FAT1: variants seen among roughly 807,000 people sequenced by gnomAD.
FAT1 encodes the protein FAT atypical cadherin 1.
In FAT1, 171 loss-of-function variants were observed where a neutral mutation model predicts 329.8. That is an observed-to-expected ratio of 0.52 (90% CI 0.46 to 0.59). The LOEUF (loss-of-function observed/expected upper bound fraction) is 0.59. Ranked by LOEUF, FAT1 falls within the 20% of genes least tolerant of loss-of-function variation. The probability of loss-of-function intolerance (pLI) is 0.00; values close to 1 mark genes in which losing one functional copy is unlikely to be tolerated. For missense variants in FAT1, 5,672 were observed against 5,774.4 expected, an observed-to-expected ratio of 0.98 and a Z score of 0.57; for synonymous variants, 2,233 against 2,228.6, an observed-to-expected ratio of 1.00 and a Z score of -0.06.
At chr4:186,671,752 TTA>T (rs1346173235) in intron 2 of FAT1, among the ~76,000 whole-genome samples, 4 of 152,130 alleles carry the variant, frequency 2.6e-5, no homozygotes, top group Admixed American at 6.6e-5. Context: ...ACATGCAGTA[TTA>T]TCTCATAAAT....
At chr4:186,660,510 TG>T (rs1159498322) in intron 3 of FAT1, among the ~76,000 whole-genome samples, 1 of 152,192 alleles carries the variant, frequency 6.6e-6, no homozygotes, top group Admixed American at 6.5e-5. Context: ...GTACTAACTA[TG>T]GTATCCTCCA....
chr4:186,681,924 A>T (rs1743226199), intron 2 of FAT1, among the ~76,000 whole-genome samples: 2 of 152,202 alleles, frequency 1.3e-5, no homozygotes, highest in African/African-American at 4.8e-5. Flanking sequence ...TTTTCGTTAC[A>T]TTTTGTCACA....
At chr4:186,639,691 TTTAAGTA>T in intron 4 of FAT1, 24 bp downstream of exon 4, 1 of 1,454,934 alleles carries the variant, frequency 6.9e-7, no homozygotes, top group East Asian at 2.3e-5. Flanking sequence ...ACTACGAATC[TTTAAGTA>T]TTAAAGATAA....
Position 186,600,296 on chromosome 4 carries a change from T to C in FAT1, c.11705A>G (p.Gln3902Arg). 1 of 1,613,800 alleles carries C rather than the reference T, an allele frequency of 6.2e-7. No homozygotes were observed. Among genetic ancestry groups the C allele is most frequent in the African/African-American group, 1.3e-5 (1 of 75,050 alleles). Residue 3902 changes from glutamine (Q) to arginine (R), a missense_variant, in exon 22 of 27, where the codon CAG becomes CGG. By Grantham distance (43) the Gln-to-Arg change is conservative. Transcript: ENST00000441802. ...CGSGPGIVSV[Q>R]SIQVNDGQWH... Reference sequence around the variant, plus strand: ...CTGCCCATCATTGACCTGAATGCTCTGAACAGAGACAATTCCAGGGCCACT... The same window carrying C: ...CTGCCCATCATTGACCTGAATGCTCCGAACAGAGACAATTCCAGGGCCACT...
In FAT1 at chr4:186,619,552, A is replaced by G. The variant is rs2126506735; in HGVS notation, c.7034T>C (p.Leu2345Pro). The change falls in exon 10 of 27, where the codon CTC (leucine) becomes CCC (proline). Residue 2345 changes from leucine (L) to proline (P), a missense_variant. This residue lies in a region of FAT1 where 3,966 missense variants were observed against 3,915.2 expected (regional missense o/e 1.01). Coordinates refer to ENST00000441802, the MANE Select transcript of FAT1 (RefSeq NM_005245.4). ...VDSSTGLISL[L>P]RTLDYEQSRQ... ...GGACTGCTCGTAATCCAGGGTTCTG[A>G]GTAGTGAGATGAGGCCAGTGCTGCT... The G allele has an allele frequency of 1.2e-6, 2 of 1,613,886 alleles. No homozygotes were observed. Among genetic ancestry groups the G allele is most frequent in the Non-Finnish European group, 1.7e-6 (2 of 1,179,878 alleles).
At chr4:186,616,278 G>A (rs1001915232) in intron 11 of FAT1, among the ~76,000 whole-genome samples, 1 of 152,044 alleles carries the variant, frequency 6.6e-6, no homozygotes, top group Non-Finnish European at 1.5e-5. Flanking sequence ...CCCTTGGAAC[G>A]ACCGCCACTG....
intron 11 of FAT1, among the ~76,000 whole-genome samples, chr4:186,615,417 C>A (rs759941921): frequency 2.8e-4 from 42 of 152,238 alleles, no homozygotes; most frequent in Non-Finnish European, 4.7e-4. Context: ...GTGGTGGGTT[C>A]CAACTCCTCC....
intron 26 of FAT1, chr4:186,592,766 A>G: frequency 2.2e-6 from 1 of 456,680 alleles, no homozygotes; most frequent in Non-Finnish European, 4.4e-6. Flanking sequence ...GCAAAAAGGT[A>G]CAAAAGCAGT....
chr4:186,716,539 C>T (rs905261068), intron 1 of FAT1, among the ~76,000 whole-genome samples: 3 of 152,124 alleles, frequency 2.0e-5, no homozygotes, highest in African/African-American at 4.8e-5. Flanking sequence ...GTGATCCTCC[C>T]GCCTCCGCCT....
chr4:186,639,884 T>C, intron 3 of FAT1, 101 bp from the exon 4 acceptor site: 1 of 988,192 alleles, frequency 1.0e-6, no homozygotes, highest in Non-Finnish European at 1.6e-6. Context: ...AGCTCATGCC[T>C]TAATCCCAGC....
chr4:186,620,849 G>A lies in FAT1; in HGVS notation c.5737C>T (p.Gln1913Ter), dbSNP rs760573361. Residue 1913 changes from glutamine to a stop codon, truncating the protein, a stop_gained, in exon 10 of 27, where the codon CAG becomes TAG. Coordinates refer to ENST00000441802, the MANE Select transcript of FAT1 (RefSeq NM_005245.4). LOFTEE classifies it high-confidence loss of function. ...ATDADSSAFS[Q>*]LIYSITEGNI... ...CCTTCGGTGATGGAGTAAATCAACT[G>A]TGAGAATGCACTTGAATCAGCATCT... The A allele has an allele frequency of 6.2e-7, 1 of 1,614,020 alleles. No homozygotes were observed. The highest frequency in any genetic ancestry group is 1.1e-5 in the South Asian group (1 of 91,080).
At chr4:186,655,759 A>G (rs757481548) in intron 3 of FAT1, among the ~76,000 whole-genome samples, 2 of 152,216 alleles carry the variant, frequency 1.3e-5, no homozygotes, top group South Asian at 2.1e-4. Context: ...CACAGCATCC[A>G]ATACTGTTAT....
In FAT1 at chr4:186,707,464, G is replaced by A. The variant is rs139767426; in HGVS notation, c.2364C>T (p.Tyr788=). Residue 788 remains tyrosine (Y), a synonymous_variant, in exon 2 of 27, where the codon TAC becomes TAT. Coordinates refer to ENST00000441802, the MANE Select transcript of FAT1 (RefSeq NM_005245.4). ...SPLDRETTDK[Y]TLNITVYDLG... is the part of the protein sequence containing the mutation. ...GGTCATAGACGGTAATATTCAGGGT[G>A]TATTTGTCTGTTGTTTCACGGTCAA... 1.4e-5 allele frequency: 22 copies of A among 1,614,008 alleles called. No individual in the cohort carries two copies. The highest frequency in any genetic ancestry group is 3.3e-4 in the Middle Eastern group (2 of 6,062).
At chr4:186,598,660 C>T (rs979474991) in intron 22 of FAT1, 4 of 152,440 alleles carry the variant, frequency 2.6e-5, no homozygotes, top group African/African-American at 9.7e-5. Context: ...TCCTGAGTAG[C>T]TGGAACTAGA....
chr4:186,642,786 T>C (rs969241291), intron 3 of FAT1, among the ~76,000 whole-genome samples: 2 of 152,104 alleles, frequency 1.3e-5, no homozygotes, highest in African/African-American at 4.8e-5. Flanking sequence ...GAAGTGAGCA[T>C]AATACTAAAG....
rs2126493576 is a variant in FAT1 at position 186,618,309 on chromosome 4, T to A, written c.8277A>T (p.Arg2759Ser). 6.2e-7 allele frequency: 1 copy of A among 1,614,026 alleles called. No individual in the cohort carries two copies. The highest frequency in any genetic ancestry group is 8.5e-7 in the Non-Finnish European group (1 of 1,179,886). Residue 2759 changes from arginine to serine, a missense_variant, in exon 10 of 27, where the codon AGA (arginine) becomes AGT (serine). Arg to Ser is a moderately radical substitution (Grantham distance 110). Around this residue, in one of 2 missense-constraint regions of FAT1, gnomAD observed 3,966 missense variants for 3,915.2 expected, o/e 1.01. Coordinates refer to ENST00000441802, the MANE Select transcript of FAT1 (RefSeq NM_005245.4). ...GATCAAGACTCTTCTCCAACTTCAG[T>A]CTCCCGCTCTGTCTGTCAATCACAA... ...ESFVIDRQSG[R>S]LKLEKSLDHE...
chr4:186,659,763 G>T (rs1364865091), intron 3 of FAT1, among the ~76,000 whole-genome samples: 3 of 145,808 alleles, frequency 2.1e-5, no homozygotes, highest in Non-Finnish European at 3.0e-5. Context: ...GAACAACCCT[G>T]GGTGCTCCTG....
At chr4:186,717,301 G>T (rs1466390782) in intron 1 of FAT1, among the ~76,000 whole-genome samples, 1 of 152,144 alleles carries the variant, frequency 6.6e-6, no homozygotes, top group Non-Finnish European at 1.5e-5. Context: ...ATCTTCATAT[G>T]ATTTTCAGCA....
chr4:186,660,029 C>T (rs182381049), intron 3 of FAT1, among the ~76,000 whole-genome samples: 42 of 152,310 alleles, frequency 2.8e-4, no homozygotes, highest in African/African-American at 9.4e-4. Context: ...GAAGTCAGTT[C>T]GCCCCAAGAT....
Sources: gnomAD v4.1 joint callset for allele counts (sites outside exome capture counted in the v4.1 genomes callset) on GRCh38, gnomAD v4.1.1 for gene constraint, gnomAD v4.1.1 regional missense constraint, MANE v1.5 for transcripts, NCBI Gene and HGNC (gene_info 2026-07-23, HGNC 2026-07-21) for gene names.